Variants in KCNIP4 observed in about 807,000 individuals in gnomAD.
The protein encoded by KCNIP4 is Kv channel-interacting protein 4.
In KCNIP4, 12 loss-of-function variants were observed where a neutral mutation model predicts 34.0. The ratio of observed to expected loss-of-function variants is 0.35; its 90% CI spans 0.23 to 0.57. The LOEUF (loss-of-function observed/expected upper bound fraction) is 0.57, where lower values mean the gene tolerates loss of function less well. Among genes scored for constraint, KCNIP4 ranks in the 20% least tolerant of loss-of-function variants. KCNIP4 has a pLI of 0.83. For synonymous variants in KCNIP4, 124 were observed against 102.2 expected, an observed-to-expected ratio of 1.21 and a Z score of -1.29; for missense variants, 238 against 311.7, an observed-to-expected ratio of 0.76 and a Z score of 1.78.
At chr4:21,539,790 C>G (rs1007945001) in intron 1 of KCNIP4, among the ~76,000 whole-genome samples, 2 of 151,970 alleles carry the variant, frequency 1.3e-5, no homozygotes, top group African/African-American at 4.8e-5. Context: ...ACCAGCCTGG[C>G]CAACACAGTG....
intron 1 of KCNIP4, among the ~76,000 whole-genome samples, chr4:21,100,362 C>T (rs1747827710): frequency 6.6e-6 from 1 of 152,036 alleles, no homozygotes; most frequent in Non-Finnish European, 1.5e-5. Flanking sequence ...ACCAGCCTGG[C>T]TAACATGGTG....
chr4:20,953,716 A>G (rs909910229), intron 1 of KCNIP4, among the ~76,000 whole-genome samples: 1 of 152,192 alleles, frequency 6.6e-6, no homozygotes, highest in African/African-American at 2.4e-5. Context: ...AATTTACTGA[A>G]TGAATGAATG....
At chr4:21,347,696 G>A (rs192987180) in intron 1 of KCNIP4, among the ~76,000 whole-genome samples, 2 of 152,304 alleles carry the variant, frequency 1.3e-5, no homozygotes, top group African/African-American at 4.8e-5. Flanking sequence ...GGAGTATAGT[G>A]CTTGGCACAT....
chr4:20,945,777 G>C (rs1732130018), intron 1 of KCNIP4, among the ~76,000 whole-genome samples: 1 of 152,132 alleles, frequency 6.6e-6, no homozygotes, highest in African/African-American at 2.4e-5. Context: ...TGTTTCCACT[G>C]TTAGAGTTCA....
intron 1 of KCNIP4, among the ~76,000 whole-genome samples, chr4:21,291,852 TC>T (rs1293238138): frequency 1.3e-3 from 43 of 32,812 alleles, no homozygotes; most frequent in Middle Eastern, 0.026. Flanking sequence ...AGACTCCGCC[TC>T]AAAAAAAAAA....
At chr4:21,834,884 C>A (rs1476442951) in intron 1 of KCNIP4, among the ~76,000 whole-genome samples, 1 of 152,096 alleles carries the variant, frequency 6.6e-6, no homozygotes, top group African/African-American at 2.4e-5. Flanking sequence ...TGTTTACATG[C>A]TGGATTACAT....
chr4:21,103,295 TATATATAAC>T (rs1156521624), intron 1 of KCNIP4, among the ~76,000 whole-genome samples: 2 of 146,856 alleles, frequency 1.4e-5, no homozygotes, highest in East Asian at 2.0e-4. Context: ...CATGACATTA[TATATATAAC>T]ATATATAATA....
At chr4:21,487,907 T>C (rs1034645165) in intron 1 of KCNIP4, among the ~76,000 whole-genome samples, 1 of 152,142 alleles carries the variant, frequency 6.6e-6, no homozygotes, top group Admixed American at 6.6e-5. Context: ...TACTATATAA[T>C]GATTCATGTT....
At chr4:20,760,457 G>A (rs980387656) in intron 3 of KCNIP4, among the ~76,000 whole-genome samples, 10 of 152,076 alleles carry the variant, frequency 6.6e-5, no homozygotes, top group African/African-American at 2.4e-4. Flanking sequence ...TTATTCCAGT[G>A]AGTCAGTTAC....
At position 21,948,726 on chromosome 4, in the gene KCNIP4, C is replaced by T; in HGVS notation, c.-95G>A. 1.5e-6 allele frequency: 2 copies of T among 1,296,142 alleles called. No individual in the cohort carries two copies. The highest frequency in any genetic ancestry group is 2.0e-6 in the Non-Finnish European group (2 of 1,006,156). 80.3% of individuals were successfully genotyped at this position (1,296,142 alleles called of 1,614,324 possible). On this transcript the variant is annotated 5_prime_UTR_variant, in exon 1 of 9. Coordinates refer to ENST00000382152, the MANE Select transcript of KCNIP4 (RefSeq NM_025221.6). ...GCACGGGAGCGCACCGCCGCTCGGC[C>T]CGGGGGCGTCCGTGGCGCTGGGAGC...
rs550376893 is a variant in KCNIP4, at chr4:21,230,463, C to T, written c.62-347754G>A. Among the ~76,000 whole-genome samples the T allele has an allele frequency of 5.3e-5, 8 of 152,214 alleles. No individual in the cohort carries two copies. In the East Asian group the frequency reaches 1.5e-3, roughly 29 times the overall value. ...AACCCATCACCTAGGAGTTAAGTCC[C>T]GCGTGCATTAGCTATTTATCCTAAT... On this transcript the variant is annotated intron_variant, in intron 1 of 8. Coordinates refer to ENST00000382152, the MANE Select transcript of KCNIP4 (RefSeq NM_025221.6).
At chr4:20,782,985 T>C (rs1756999257) in intron 3 of KCNIP4, among the ~76,000 whole-genome samples, 1 of 152,136 alleles carries the variant, frequency 6.6e-6, no homozygotes, top group South Asian at 2.1e-4. Flanking sequence ...TTCTGCCAGA[T>C]ACCCTAAATC....
chr4:20,932,714 A>G (rs542111245), intron 1 of KCNIP4, among the ~76,000 whole-genome samples: 2 of 152,310 alleles, frequency 1.3e-5, no homozygotes, highest in East Asian at 1.9e-4. Context: ...ACTTGTCAAA[A>G]TATGCTTAAA....
At chr4:21,543,927 T>C (rs1313192861) in intron 1 of KCNIP4, among the ~76,000 whole-genome samples, 5 of 152,122 alleles carry the variant, frequency 3.3e-5, no homozygotes, top group African/African-American at 9.7e-5. Flanking sequence ...GAAATAAAAA[T>C]AACCTTTATG....
At chr4:21,878,212 A>G (rs778124026) in intron 1 of KCNIP4, among the ~76,000 whole-genome samples, 2 of 152,134 alleles carry the variant, frequency 1.3e-5, no homozygotes, top group Non-Finnish European at 2.9e-5. Flanking sequence ...AGTAGCTGGG[A>G]TTACAGGCAC....
intron 1 of KCNIP4, among the ~76,000 whole-genome samples, chr4:21,822,428 G>T (rs1307743509): frequency 1.3e-5 from 2 of 152,002 alleles, no homozygotes; most frequent in African/African-American, 4.8e-5. Context: ...TAACCACAGG[G>T]TACTAATCCA....
chr4:21,615,504 C>T (rs1257162989), intron 1 of KCNIP4, among the ~76,000 whole-genome samples: 1 of 151,918 alleles, frequency 6.6e-6, no homozygotes, highest in Non-Finnish European at 1.5e-5. Context: ...CGAGATCACG[C>T]CACTGCACTC....
At chr4:21,323,591 G>A (rs1427791094) in intron 1 of KCNIP4, among the ~76,000 whole-genome samples, 2 of 152,020 alleles carry the variant, frequency 1.3e-5, no homozygotes, top group African/African-American at 4.8e-5. Flanking sequence ...CAAATGAGAG[G>A]ATCTCAATCA....
At chr4:21,669,014 C>G (rs921872150) in intron 1 of KCNIP4, among the ~76,000 whole-genome samples, 1 of 152,178 alleles carries the variant, frequency 6.6e-6, no homozygotes. Context: ...GCTTCTCCTC[C>G]TCCTCAGCCT....
Sources: allele counts gnomAD v4.1 joint callset (sites outside exome capture counted in the v4.1 genomes callset), GRCh38; gene constraint gnomAD v4.1.1; transcripts MANE v1.5; gene names NCBI Gene and HGNC (gene_info 2026-07-23, HGNC 2026-07-21).